The following ZFAND3 variants were observed in gnomAD, a reference collection of about 807,000 sequenced individuals.
ZFAND3 encodes AN1-type zinc finger protein 3.
A neutral mutation model predicts 29.6 loss-of-function variants in ZFAND3; 10 were observed. The ratio of observed to expected loss-of-function variants is 0.34; its 90% confidence interval spans 0.21 to 0.57. The LOEUF is 0.57. Ranked by LOEUF, ZFAND3 falls within the 20% of genes least tolerant of loss-of-function variation. The pLI is 0.86. For missense variants in ZFAND3, 230 were observed against 304.5 expected (o/e 0.76, Z 1.82); for synonymous variants, 128 against 112.6 (o/e 1.14, Z -0.87).
At chr6:38,030,751 A>G (rs1425074595) in intron 2 of ZFAND3, among the ~76,000 whole-genome samples, 1 of 152,186 alleles carries the variant, frequency 6.6e-6, no homozygotes, top group African/African-American at 2.4e-5. Flanking sequence ...TCTATGACCT[A>G]CAGGTCTGCA....
At chr6:37,871,027 G>A (rs1362536269) in intron 1 of ZFAND3, among the ~76,000 whole-genome samples, 2 of 152,070 alleles carry the variant, frequency 1.3e-5, no homozygotes, top group African/African-American at 2.4e-5. Flanking sequence ...CTTGTACTCC[G>A]TTTGGGAAAA....
chr6:38,091,691 C>CA (rs1554177339), intron 4 of ZFAND3, among the ~76,000 whole-genome samples: 1 of 129,868 alleles, frequency 7.7e-6, no homozygotes, highest in Non-Finnish European at 1.6e-5. Context: ...ATTAAGGAGC[C>CA]TTTTTTTTTT....
At chr6:37,864,839 ACCT>A (rs767920354) in intron 1 of ZFAND3, among the ~76,000 whole-genome samples, 1 of 151,862 alleles carries the variant, frequency 6.6e-6, no homozygotes, top group East Asian at 1.9e-4. Flanking sequence ...TGATTCCAGA[ACCT>A]CCTGTAGATA....
chr6:38,127,138 A>G (rs540335005), intron 5 of ZFAND3, among the ~76,000 whole-genome samples: 1 of 152,314 alleles, frequency 6.6e-6, no homozygotes, highest in South Asian at 2.1e-4. Context: ...GTTGAATAGA[A>G]GTGGAGTCAT....
intron 3 of ZFAND3, among the ~76,000 whole-genome samples, chr6:38,072,899 T>G (rs1300252870): frequency 6.6e-6 from 1 of 152,204 alleles, no homozygotes; most frequent in Non-Finnish European, 1.5e-5. Flanking sequence ...TAGTGAGGAA[T>G]TTTTAAAATT....
chr6:38,077,608 G>A (rs146411926), intron 3 of ZFAND3, among the ~76,000 whole-genome samples: 1 of 152,194 alleles, frequency 6.6e-6, no homozygotes, highest in African/African-American at 2.4e-5. Context: ...TTTTCTAATT[G>A]ATGTGCTGTT....
At chr6:37,965,847 G>A (rs1277779261) in intron 2 of ZFAND3, among the ~76,000 whole-genome samples, 2 of 152,002 alleles carry the variant, frequency 1.3e-5, no homozygotes, top group African/African-American at 4.8e-5. Flanking sequence ...CTTCAGCCTC[G>A]GCCTCCCTGG....
At chr6:37,952,770 T>G (rs1477959123) in intron 2 of ZFAND3, among the ~76,000 whole-genome samples, 1 of 151,912 alleles carries the variant, frequency 6.6e-6, no homozygotes, top group African/African-American at 2.4e-5. Flanking sequence ...CAGGAACAAG[T>G]CCTGGTGCTC....
intron 2 of ZFAND3, among the ~76,000 whole-genome samples, chr6:37,991,320 T>G (rs1021642539): frequency 6.6e-6 from 1 of 151,686 alleles, no homozygotes; most frequent in Non-Finnish European, 1.5e-5. Flanking sequence ...AATTTAATTT[T>G]TTTCATTTTT....
chr6:38,072,214 C>T (rs533887493), intron 3 of ZFAND3, among the ~76,000 whole-genome samples: 2 of 151,972 alleles, frequency 1.3e-5, no homozygotes, highest in South Asian at 4.1e-4. Flanking sequence ...GTAAAATAAC[C>T]ATTTTTGCTC....
chr6:37,929,738 A>G (rs1450912441), intron 1 of ZFAND3, among the ~76,000 whole-genome samples: 7 of 151,510 alleles, frequency 4.6e-5, no homozygotes, highest in Non-Finnish European at 7.4e-5. Context: ...AAAAATAAAA[A>G]TAAAAACCAA....
At chr6:37,928,158 G>T (rs937894685) in intron 1 of ZFAND3, among the ~76,000 whole-genome samples, 6 of 152,118 alleles carry the variant, frequency 3.9e-5, no homozygotes, top group Non-Finnish European at 8.8e-5. Flanking sequence ...TTTTGGGAAA[G>T]AAATAATGAC....
chr6:37,986,899 A>G (rs1473343499), intron 2 of ZFAND3, among the ~76,000 whole-genome samples: 1 of 152,124 alleles, frequency 6.6e-6, no homozygotes, highest in Non-Finnish European at 1.5e-5. Context: ...GGAAAAAAAA[A>G]ATCTAGAATG....
At chr6:37,963,997 G>A (rs1435952083) in intron 2 of ZFAND3, among the ~76,000 whole-genome samples, 1 of 152,148 alleles carries the variant, frequency 6.6e-6, no homozygotes, top group Non-Finnish European at 1.5e-5. Context: ...TTGGGCTAGT[G>A]TTCCATATAT....
In ZFAND3 at chr6:38,154,268, C is replaced by A; in HGVS notation, c.*1879C>A. The A allele has an allele frequency of 2.0e-6, 2 of 985,396 alleles. No homozygotes were observed. Among genetic ancestry groups the A allele is most frequent in the Non-Finnish European group, 2.4e-6 (2 of 829,888 alleles). The allele number at this position is 985,396 out of a possible 1,614,324, so 61.0% of individuals were successfully genotyped here. A position where few individuals can be genotyped will look rare whatever the true frequency, so the allele number is the denominator to read the frequency against. ...GAGCCCTTCCCGGCCCTCCCCAGGGCCCCCCGCCCCCTCCTCTGCCTGCTG... is the reference window on the plus strand; with the variant it reads ...GAGCCCTTCCCGGCCCTCCCCAGGGACCCCCGCCCCCTCCTCTGCCTGCTG... On this transcript the variant is annotated 3_prime_UTR_variant, in exon 6 of 6. Transcript: ENST00000287218.
intron 2 of ZFAND3, among the ~76,000 whole-genome samples, chr6:38,054,831 A>G (rs1433430201): frequency 6.6e-6 from 1 of 152,228 alleles, no homozygotes; most frequent in Non-Finnish European, 1.5e-5. Context: ...CTGTTAACCC[A>G]GATTAACATC....
chr6:38,150,956 A>AC (rs1470058694), intron 5 of ZFAND3, among the ~76,000 whole-genome samples: 1 of 152,054 alleles, frequency 6.6e-6, no homozygotes, highest in Non-Finnish European at 1.5e-5. Context: ...GTGGTGAGAT[A>AC]ATGCTGATGG....
At chr6:37,851,519 C>G (rs1764282052) in intron 1 of ZFAND3, among the ~76,000 whole-genome samples, 1 of 128,848 alleles carries the variant, frequency 7.8e-6, no homozygotes, top group East Asian at 2.1e-4. Context: ...GTCTCCCACC[C>G]TTTCCCACAT....
intron 1 of ZFAND3, among the ~76,000 whole-genome samples, chr6:37,848,863 T>C (rs867604048): frequency 3.0e-4 from 45 of 152,328 alleles, no homozygotes; most frequent in South Asian, 1.7e-3. Context: ...AAGACAATTA[T>C]AGACAGGCAT....
Sources: gnomAD v4.1 joint callset for allele counts (sites outside exome capture counted in the v4.1 genomes callset) on GRCh38, gnomAD v4.1.1 for gene constraint, MANE v1.5 for transcripts, NCBI Gene and HGNC (gene_info 2026-07-23, HGNC 2026-07-21) for gene names.